PDE4B: variants seen among roughly 807,000 people sequenced by gnomAD.
PDE4B encodes the protein 3',5'-cyclic-AMP phosphodiesterase 4B.
PDE4B carries 20 observed loss-of-function variants against 82.2 expected under a neutral mutation model. That is an observed-to-expected ratio of 0.24 (90% confidence interval 0.17 to 0.35). The LOEUF (loss-of-function observed/expected upper bound fraction) is 0.35. PDE4B is among the 10% of genes least tolerant of loss of function. The pLI, the probability that PDE4B is intolerant of heterozygous loss-of-function variation, is 1.00. For missense variants in PDE4B, 655 were observed against 907.2 expected (o/e 0.72, Z 3.57); for synonymous variants, 320 against 318.9 (o/e 1.00, Z -0.04).
chr1:65,978,539 T>C (rs968319162), intron 3 of PDE4B, among the ~76,000 whole-genome samples: 2 of 81,214 alleles, frequency 2.5e-5, no homozygotes, highest in African/African-American at 7.4e-5. Flanking sequence ...TTCTCCTCCA[T>C]GATTGCTCTT....
At chr1:66,108,379 A>G (rs1570255713) in intron 3 of PDE4B, among the ~76,000 whole-genome samples, 1 of 152,136 alleles carries the variant, frequency 6.6e-6, no homozygotes, top group East Asian at 1.9e-4. Context: ...AAGCTTCTTG[A>G]TAATGGGCAA....
At chr1:66,107,722 G>C (rs74939539) in intron 3 of PDE4B, among the ~76,000 whole-genome samples, 1,857 of 151,946 alleles carry the variant, frequency 0.012, 42 homozygotes, top group African/African-American at 0.043. Flanking sequence ...TCATGAGATA[G>C]ATAAAGTAAG....
At chr1:66,099,144 G>A (rs1645171798) in intron 3 of PDE4B, among the ~76,000 whole-genome samples, 1 of 152,014 alleles carries the variant, frequency 6.6e-6, no homozygotes, top group African/African-American at 2.4e-5. Flanking sequence ...TGGCCCCAGT[G>A]TATGTTGTTC....
At chr1:66,318,195 C>T (rs543840895) in intron 7 of PDE4B, among the ~76,000 whole-genome samples, 49 of 152,296 alleles carry the variant, frequency 3.2e-4, no homozygotes, top group Non-Finnish European at 5.3e-4. Context: ...TTAGAAACCA[C>T]GATCTAATAT....
chr1:66,324,057 G>T (rs1316405981), intron 7 of PDE4B, among the ~76,000 whole-genome samples: 1 of 152,130 alleles, frequency 6.6e-6, no homozygotes, highest in Non-Finnish European at 1.5e-5. Flanking sequence ...AATGCCAAAG[G>T]CAGAGTTCTG....
intron 3 of PDE4B, among the ~76,000 whole-genome samples, chr1:65,932,658 A>G (rs1208827053): frequency 6.6e-6 from 1 of 152,204 alleles, no homozygotes; most frequent in African/African-American, 2.4e-5. Flanking sequence ...TTTACCTAAC[A>G]GAGAACTCAA....
chr1:66,125,285 TC>T lies in PDE4B; in HGVS notation c.282-122172del, dbSNP rs558410020. Among the ~76,000 whole-genome samples the T allele has an allele frequency of 2.2e-3, 333 of 151,608 alleles. 4 individuals are homozygous for T. Among genetic ancestry groups the T allele is most frequent in the African/African-American group, 7.6e-3 (315 of 41,314 alleles). ...TTCAAGCGATTCTCCTGCCTCAGCC[TC>T]CCGAGTAGATGGGATTACAAGTGCC... On this transcript the variant is annotated intron_variant, in intron 3 of 16. Transcript: ENST00000341517.
chr1:65,794,424 G>T (rs1371167069), intron 1 of PDE4B, among the ~76,000 whole-genome samples: 1 of 152,042 alleles, frequency 6.6e-6, no homozygotes, highest in East Asian at 1.9e-4. Context: ...TCATAAAAAC[G>T]AAACAAATTT....
intron 1 of PDE4B, among the ~76,000 whole-genome samples, chr1:65,885,932 G>A (rs769322575): frequency 7.3e-4 from 109 of 150,118 alleles, no homozygotes; most frequent in Non-Finnish European, 1.3e-3. Flanking sequence ...CTGTAGATCT[G>A]TGCTGGCTAA....
chr1:66,076,791 G>C (rs1290626259), intron 3 of PDE4B, among the ~76,000 whole-genome samples: 1 of 152,086 alleles, frequency 6.6e-6, no homozygotes, highest in African/African-American at 2.4e-5. Context: ...TCATATGTTT[G>C]TTGGATACTT....
intron 3 of PDE4B, among the ~76,000 whole-genome samples, chr1:66,101,398 C>A (rs9659394): frequency 1 from 151,868 of 152,296 alleles, 75,722 homozygotes; most frequent in Middle Eastern, 1. Context: ...ATCCTTGAGG[C>A]ATCACCACAC....
In PDE4B at chr1:65,913,307, C is replaced by T; in HGVS notation, c.-8C>T. ...ACATCCTAAGAGGGGATATTTTCCA[C>T]CTCTATAATGAAGAAAAGCAGGAGT... is the stretch of plus-strand genomic sequence containing the variant. On this transcript the variant is annotated 5_prime_UTR_variant, in exon 2 of 17. Transcript: ENST00000341517. 1 of 1,613,004 alleles carries T rather than the reference C, an allele frequency of 6.2e-7. No individual in the cohort carries two copies. Among genetic ancestry groups the T allele is most frequent in the Non-Finnish European group, 8.5e-7 (1 of 1,179,096 alleles).
At position 66,137,339 on chromosome 1, in the gene PDE4B, C is replaced by T. The variant is rs528704279; in HGVS notation, c.282-110121C>T. On this transcript the variant is annotated intron_variant, in intron 3 of 16. Transcript: ENST00000341517. ...TGATTAGAAGGAGGGGTAGCTCATC[C>T]GCTGAAAAAGGAGAAGTGTGACATA... is the stretch of plus-strand genomic sequence containing the variant. 6.2e-4 allele frequency among the ~76,000 whole-genome samples: 94 copies of T among 152,138 alleles called. No homozygotes were observed. The South Asian group carries it at 0.018, about 30-fold the overall frequency.
chr1:66,144,656 A>G (rs1211027090), intron 3 of PDE4B, among the ~76,000 whole-genome samples: 1 of 152,238 alleles, frequency 6.6e-6, no homozygotes, highest in Non-Finnish European at 1.5e-5. Context: ...ACAGGTAAGT[A>G]TAATGCAATT....
At chr1:66,091,493 A>G (rs1452050603) in intron 3 of PDE4B, among the ~76,000 whole-genome samples, 1 of 152,100 alleles carries the variant, frequency 6.6e-6, no homozygotes, top group Non-Finnish European at 1.5e-5. Context: ...GCAAAGTAAA[A>G]TCACATGGTT....
At chr1:66,084,169 A>AT (rs1656885324) in intron 3 of PDE4B, among the ~76,000 whole-genome samples, 2 of 152,288 alleles carry the variant, frequency 1.3e-5, no homozygotes, top group South Asian at 4.1e-4. Flanking sequence ...GGGTGAAAGA[A>AT]AATAGAAAAA....
chr1:66,282,068 G>A (rs1424985674), intron 7 of PDE4B, among the ~76,000 whole-genome samples: 1 of 152,174 alleles, frequency 6.6e-6, no homozygotes, highest in Non-Finnish European at 1.5e-5. Flanking sequence ...TGCGTTGAAG[G>A]TACGTACACC....
intron 3 of PDE4B, among the ~76,000 whole-genome samples, chr1:66,012,012 T>C (rs553228456): frequency 6.6e-6 from 1 of 152,284 alleles, no homozygotes; most frequent in East Asian, 1.9e-4. Flanking sequence ...CAAGACATTA[T>C]AATTGTTTCC....
intron 3 of PDE4B, among the ~76,000 whole-genome samples, chr1:66,175,590 TA>T (rs897992256): frequency 6.6e-6 from 1 of 152,116 alleles, no homozygotes; most frequent in African/African-American, 2.4e-5. Context: ...TTTAAGACTT[TA>T]AAAAAAGTAT....
Sources: allele counts gnomAD v4.1 joint callset (sites outside exome capture counted in the v4.1 genomes callset), GRCh38; gene constraint gnomAD v4.1.1; transcripts MANE v1.5; gene names NCBI Gene and HGNC (gene_info 2026-07-23, HGNC 2026-07-21).